Variants in SPTB observed in about 807,000 individuals in gnomAD.
SPTB encodes the protein spectrin beta chain, erythrocytic.
SPTB carries 45 observed loss-of-function variants against 256.2 expected under a neutral mutation model. The observed-to-expected ratio is 0.18, with a 90% CI of 0.14 to 0.23. The LOEUF (loss-of-function observed/expected upper bound fraction) is 0.23, where lower values mean the gene tolerates loss of function less well. Among genes scored for constraint, SPTB ranks in the 10% least tolerant of loss-of-function variants. The pLI is 1.00. For synonymous variants in SPTB, 1,231 were observed against 1,243.1 expected (o/e 0.99, Z 0.21); for missense variants, 2,715 against 3,040.4 (o/e 0.89, Z 2.52).
Position 64,846,134 on chromosome 14 carries a change from T to C in SPTB, c.-51-22989A>G, listed in dbSNP as rs72726237. 3.3e-3 allele frequency among the ~76,000 whole-genome samples: 504 copies of C among 152,254 alleles called. 3 individuals carry two copies. The highest frequency in any genetic ancestry group is 9.4e-3 in the Admixed American group (144 of 15,296). On this transcript the variant is annotated intron_variant, in intron 1 of 35. Transcript: ENST00000644917. ...CGACTTGCGGTGAGTAACTTGATTATAACGCATCAGGATGACTGGAATTCC... is the reference window on the plus strand; with the variant it reads ...CGACTTGCGGTGAGTAACTTGATTACAACGCATCAGGATGACTGGAATTCC...
chr14:64,752,350 G>T, intron 33 of SPTB: 1 of 951,206 alleles, frequency 1.1e-6, no homozygotes, highest in Non-Finnish European at 1.5e-6. Context: ...AACTAGTAGG[G>T]CACATAGGGA....
intron 32 of SPTB, among the ~76,000 whole-genome samples, chr14:64,762,068 G>A (rs2082103816): frequency 6.6e-6 from 1 of 152,184 alleles, no homozygotes; most frequent in Non-Finnish European, 1.5e-5. Flanking sequence ...GCGGGCAGGT[G>A]TCCAGAAAGA....
chr14:64,860,698 A>G (rs2083953332), intron 1 of SPTB, among the ~76,000 whole-genome samples: 1 of 152,186 alleles, frequency 6.6e-6, no homozygotes, highest in East Asian at 1.9e-4. Context: ...GCACTGCTCT[A>G]TCCACAAATA....
intron 2 of SPTB, among the ~76,000 whole-genome samples, chr14:64,815,845 G>A (rs1198932966): frequency 1.3e-5 from 2 of 152,230 alleles, no homozygotes; most frequent in Non-Finnish European, 2.9e-5. Flanking sequence ...GCGTCATCTA[G>A]TTCAAGCCCC....
chr14:64,845,104 G>A lies in SPTB; in HGVS notation c.-51-21959C>T, dbSNP rs920875377. 5.3e-5 allele frequency among the ~76,000 whole-genome samples: 8 copies of A among 152,192 alleles called. No individual in the cohort carries two copies. The East Asian group carries it at 7.7e-4, about 15-fold the overall frequency. ...ATCCATAACCAAACCAGGCTAGACC[G>A]GCTATACAGAATCAGCTCCTCCTAT... On this transcript the variant is annotated intron_variant, in intron 1 of 35. Coordinates refer to ENST00000644917, the MANE Select transcript of SPTB (RefSeq NM_001355436.2). The surrounding 1 kb of genome is among the most constrained non-coding windows in gnomAD (Gnocchi z 4.8).
At chr14:64,872,451 C>CA (rs1882585240) in intron 1 of SPTB, among the ~76,000 whole-genome samples, 1 of 152,206 alleles carries the variant, frequency 6.6e-6, no homozygotes, top group Non-Finnish European at 1.5e-5. Flanking sequence ...GCTTGAGACA[C>CA]AAATCCCAAC....
rs151232626 is a variant in SPTB at position 64,766,707 on chromosome 14, A to T, written c.6345+19T>A. 278 of 1,613,314 alleles carry T rather than the reference A, an allele frequency of 1.7e-4. No individual in the cohort carries two copies. In the African/African-American group the frequency reaches 3.2e-3, roughly 18 times the overall value. On this transcript the variant is annotated intron_variant, in intron 32 of 35. Coordinates refer to ENST00000644917, the MANE Select transcript of SPTB (RefSeq NM_001355436.2). ...TGCAGTGACTCCCAGGAACTAGACA[A>T]ACGAGACCAGAGACTGACCGGGGAC...
intron 2 of SPTB, among the ~76,000 whole-genome samples, chr14:64,811,300 G>A (rs2083085467): frequency 6.6e-6 from 1 of 152,182 alleles, no homozygotes; most frequent in Admixed American, 6.5e-5. Context: ...TCTCTTAAAT[G>A]TATAAAAAAT....
intron 1 of SPTB, among the ~76,000 whole-genome samples, chr14:64,874,810 C>T (rs1882729012): frequency 6.6e-6 from 1 of 152,210 alleles, no homozygotes; most frequent in Admixed American, 6.5e-5. Context: ...GTTTCTTCTC[C>T]TTTTCACAAT....
Position 64,769,055 on chromosome 14 carries a change from G to T in SPTB, c.6001C>A (p.Arg2001Ser). ...TCACACATGCGGAGCCGCTCCCAGC[G>T]GGCTTCCCACTTCTCATTCATCTCT... ...RKEMNEKWEA[R>S]WERLRMLLEV... Residue 2001 changes from arginine (R) to serine (S), a missense_variant, in exon 29 of 36, where the codon CGC (arginine) becomes AGC (serine). This residue lies in a region of SPTB where 2,239 missense variants were observed against 2,384.4 expected (regional missense o/e 0.94). Coordinates refer to ENST00000644917, the MANE Select transcript of SPTB (RefSeq NM_001355436.2). The T allele has an allele frequency of 6.2e-7, 1 of 1,613,500 alleles. No individual in the cohort carries two copies. Among genetic ancestry groups the T allele is most frequent in the Non-Finnish European group, 8.5e-7 (1 of 1,179,978 alleles).
At chr14:64,875,513 T>G (rs529694633) in intron 1 of SPTB, among the ~76,000 whole-genome samples, 10 of 152,164 alleles carry the variant, frequency 6.6e-5, no homozygotes, top group Non-Finnish European at 1.3e-4. Flanking sequence ...TCAATCACTA[T>G]CTCCATCTCC....
intron 19 of SPTB, among the ~76,000 whole-genome samples, chr14:64,783,119 T>C (rs979076408): frequency 1.3e-5 from 2 of 152,244 alleles, no homozygotes; most frequent in Admixed American, 6.5e-5. Context: ...TTGCCTTACC[T>C]GGTTTTCATC....
Position 64,841,420 on chromosome 14 carries a change from T to G in SPTB, c.-51-18275A>C, listed in dbSNP as rs1163907813. 6.6e-6 allele frequency among the ~76,000 whole-genome samples: 1 copy of G among 152,114 alleles called. No homozygotes were observed. Among genetic ancestry groups the G allele is most frequent in the Non-Finnish European group, 1.5e-5 (1 of 68,016 alleles). The stretch of plus-strand genomic sequence containing the variant: ...TTTTAAATCATCTGAGACGAATTCT[T>G]CCACATCTAGCTCAACACCAGGCAA... On this transcript the variant is annotated intron_variant, in intron 1 of 35. Coordinates refer to ENST00000644917, the MANE Select transcript of SPTB (RefSeq NM_001355436.2). This position sits in a 1 kb window ranked among gnomAD's most constrained non-coding sequence, Gnocchi z 4.6.
At chr14:64,830,717 C>A (rs181261722) in intron 1 of SPTB, among the ~76,000 whole-genome samples, 48 of 152,234 alleles carry the variant, frequency 3.2e-4, no homozygotes, top group African/African-American at 9.6e-4. Context: ...TCCTGCACGG[C>A]CCCTCATGCT....
At chr14:64,818,714 T>G (rs1282407291) in intron 2 of SPTB, among the ~76,000 whole-genome samples, 4 of 152,182 alleles carry the variant, frequency 2.6e-5, no homozygotes, top group African/African-American at 9.7e-5. Context: ...AATGCTCATC[T>G]GGCAGCTCCC....
intron 32 of SPTB, among the ~76,000 whole-genome samples, chr14:64,761,269 A>G (rs1197652339): frequency 6.6e-6 from 1 of 152,220 alleles, no homozygotes; most frequent in African/African-American, 2.4e-5. Context: ...GTTGTTTGCA[A>G]GAGAAGAAAA....
chr14:64,764,640 G>T lies in SPTB; in HGVS notation c.6345+2086C>A, dbSNP rs1287562965. 6.6e-6 allele frequency among the ~76,000 whole-genome samples: 1 copy of T among 152,248 alleles called. No homozygotes were observed. Among genetic ancestry groups the T allele is most frequent in the Non-Finnish European group, 1.5e-5 (1 of 68,036 alleles). ...AAGTAATTACATTTGCACAGACACAGATGACACAGACAGTGGATGGAGTCG... is the reference window on the plus strand; with the variant it reads ...AAGTAATTACATTTGCACAGACACATATGACACAGACAGTGGATGGAGTCG... On this transcript the variant is annotated intron_variant, in intron 32 of 35. Transcript: ENST00000644917. The surrounding 1 kb of genome is among the most constrained non-coding windows in gnomAD (Gnocchi z 4.2).
At chr14:64,752,266 C>T in intron 33 of SPTB, 2 of 1,343,626 alleles carry the variant, frequency 1.5e-6, no homozygotes, top group East Asian at 4.6e-5. Flanking sequence ...TCCTCCTCCT[C>T]TTCATCCTCC....
intron 32 of SPTB, among the ~76,000 whole-genome samples, chr14:64,763,053 C>T (rs1471542448): frequency 6.6e-6 from 1 of 152,254 alleles, no homozygotes; most frequent in African/African-American, 2.4e-5. Flanking sequence ...GGGCTGTGCA[C>T]TAGGGACCTT....
Sources: gnomAD v4.1 joint callset for allele counts (sites outside exome capture counted in the v4.1 genomes callset) on GRCh38, gnomAD v4.1.1 for gene constraint, gnomAD v4.1.1 regional missense constraint, Gnocchi (gnomAD v3.1) non-coding constraint, MANE v1.5 for transcripts, NCBI Gene and HGNC (gene_info 2026-07-23, HGNC 2026-07-21) for gene names.